Variants in DYNC1LI1 observed in about 807,000 individuals in gnomAD.
The protein encoded by DYNC1LI1 is dynein cytoplasmic 1 light intermediate chain 1, also known as cytoplasmic dynein 1 light intermediate chain 1.
A neutral mutation model predicts 63.8 loss-of-function variants in DYNC1LI1; 19 were observed. That is an observed-to-expected ratio of 0.30 (90% CI 0.21 to 0.44). The LOEUF (loss-of-function observed/expected upper bound fraction) is 0.44, where lower values mean the gene tolerates loss of function less well. Ranked by LOEUF, DYNC1LI1 falls within the 20% of genes least tolerant of loss-of-function variation. The pLI is 1.00. For missense variants in DYNC1LI1, 565 were observed against 630.2 expected (o/e 0.90, Z 1.11); for synonymous variants, 225 against 232.3 (o/e 0.97, Z 0.28).
Position 32,530,332 on chromosome 3 carries a change from A to T in DYNC1LI1, c.1141-4T>A. 1 of 200,850 alleles carries T rather than the reference A, an allele frequency of 5.0e-6. No homozygotes were observed. The highest frequency in any genetic ancestry group is 8.9e-6 in the Non-Finnish European group (1 of 112,942). 12.4% of individuals were successfully genotyped at this position (200,850 alleles called of 1,614,324 possible). On this transcript the variant is annotated splice_region_variant and splice_polypyrimidine_tract_variant and intron_variant, in intron 9 of 12. Transcript: ENST00000273130. The stretch of plus-strand genomic sequence containing the variant: ...GTGGTTGCTTTGCTAAAAGGGACTG[A>T]AAAAAAAAAAAAAAAAGAATCCTAG...
intron 2 of DYNC1LI1, chr3:32,566,675 T>G (rs1471116618): frequency 4.7e-6 from 2 of 429,892 alleles, no homozygotes; most frequent in African/African-American, 4.1e-5. Flanking sequence ...GAGGTGGAGG[T>G]TGCAGTGAGC....
At chr3:32,536,934 A>G in intron 6 of DYNC1LI1, 77 bp downstream of exon 6, 1 of 797,706 alleles carries the variant, frequency 1.3e-6, no homozygotes, top group Non-Finnish European at 2.0e-6. Context: ...AAGTCCATCA[A>G]TTTAATTCTT....
chr3:32,533,841 C>T (rs149676941), intron 7 of DYNC1LI1, among the ~76,000 whole-genome samples: 453 of 151,132 alleles, frequency 3.0e-3, no homozygotes, highest in Non-Finnish European at 4.5e-3. Context: ...GGATTTTAGG[C>T]ATGAGCCACT....
chr3:32,554,863 A>ATTTTTTTTTTTT (rs11434502), intron 2 of DYNC1LI1, among the ~76,000 whole-genome samples: 1 of 104,720 alleles, frequency 9.5e-6, no homozygotes, highest in Admixed American at 1.1e-4. Flanking sequence ...AAATTTTTGA[A>ATTTTTTTTTTTT]TTTTTTTTTT....
intron 2 of DYNC1LI1, among the ~76,000 whole-genome samples, chr3:32,567,252 C>T (rs547298412): frequency 3.9e-5 from 6 of 152,238 alleles, no homozygotes; most frequent in Non-Finnish European, 7.4e-5. Context: ...AATTCATTAC[C>T]CCATCTATAA....
At position 32,537,013 on chromosome 3, in the gene DYNC1LI1, T is replaced by C. The variant is rs2303857; in HGVS notation, c.830A>G (p.Gln277Arg). 0.069 allele frequency: 107,926 copies of C among 1,555,542 alleles called. 4,104 individuals carry two copies. Among genetic ancestry groups the C allele is most frequent in the Non-Finnish European group, 0.077 (87,804 of 1,137,296 alleles). The change falls in exon 6 of 13, where the codon CAG becomes CGG. Residue 277 changes from glutamine to arginine, a missense_variant and splice_region_variant. Gln to Arg is a conservative substitution (Grantham distance 43, BLOSUM62 1). Transcript: ENST00000273130. Reference sequence around the variant, plus strand: ...AATAAATGTATTTAAAAGGATACACTGTAAACAAAACTTCCGGATATGTGA... The same window carrying C: ...AATAAATGTATTTAAAAGGATACACCGTAAACAAAACTTCCGGATATGTGA... ...IQSHIRKFCL[Q>R]YGAALIYTSV...
intron 2 of DYNC1LI1, among the ~76,000 whole-genome samples, chr3:32,566,048 G>A (rs540929961): frequency 6.3e-4 from 96 of 152,268 alleles, no homozygotes; most frequent in African/African-American, 2.3e-3. Context: ...GTGAGAGAAG[G>A]ACTGCTTGAG....
At position 32,545,991 on chromosome 3, in the gene DYNC1LI1, C is replaced by G. The variant is rs748697427; in HGVS notation, c.221-26G>C. 4.8e-6 allele frequency: 7 copies of G among 1,449,968 alleles called. No homozygotes were observed. The Admixed American group carries it at 5.6e-5, about 12-fold the overall frequency. The allele number at this position is 1,449,968 out of a possible 1,614,324, so 89.8% of individuals were successfully genotyped here. A position where few individuals can be genotyped will look rare whatever the true frequency, so the allele number is the denominator to read the frequency against. On this transcript the variant is annotated intron_variant, in intron 2 of 12. Coordinates refer to ENST00000273130, the MANE Select transcript of DYNC1LI1 (RefSeq NM_016141.4). ...CTAGATATGTAAAAAAAGGATAAAT[C>G]TTATAAATTATAACACCGATTATTT...
chr3:32,558,466 A>T (rs192732104), intron 2 of DYNC1LI1, among the ~76,000 whole-genome samples: 1 of 151,944 alleles, frequency 6.6e-6, no homozygotes, highest in Non-Finnish European at 1.5e-5. Context: ...CATGGTCACC[A>T]AAACAGTACA....
chr3:32,536,914 A>T lies in DYNC1LI1; in HGVS notation c.832+97T>A, dbSNP rs918697142. ...CAGAGACAGAAGGAGAAATGTTTAC[A>T]GAATTTCTCAAGTCCATCAATTTAA... On this transcript the variant is annotated intron_variant, in intron 6 of 12. Transcript: ENST00000273130. 4.6e-6 allele frequency: 3 copies of T among 645,834 alleles called. No homozygotes were observed. In the African/African-American group the frequency reaches 5.8e-5, roughly 13 times the overall value. The allele number at this position is 645,834 out of a possible 1,614,324, so 40.0% of individuals were successfully genotyped here. A position where few individuals can be genotyped will look rare whatever the true frequency, so the allele number is the denominator to read the frequency against.
chr3:32,534,700 T>C, intron 6 of DYNC1LI1, 54 bp from the exon 7 acceptor site: 1 of 1,381,870 alleles, frequency 7.2e-7, no homozygotes, highest in Non-Finnish European at 9.6e-7. Context: ...GCAAATACCA[T>C]AAAATTCTGT....
intron 12 of DYNC1LI1, among the ~76,000 whole-genome samples, chr3:32,527,594 T>C (rs531029798): frequency 2.2e-4 from 34 of 152,248 alleles, no homozygotes; most frequent in African/African-American, 7.7e-4. Flanking sequence ...TTGGAAAACA[T>C]TTTGGCAGTC....
In DYNC1LI1 at chr3:32,526,817, C is replaced by T. The variant is rs746180461; in HGVS notation, c.1554G>A (p.Thr518=). 22 of 1,611,074 alleles carry T rather than the reference C, an allele frequency of 1.4e-5. No individual in the cohort carries two copies. The highest frequency in any genetic ancestry group is 1.3e-4 in the Admixed American group (8 of 59,980). Residue 518 remains threonine (T), a synonymous_variant, in exon 13 of 13, where the codon ACG becomes ACA. Coordinates refer to ENST00000273130, the MANE Select transcript of DYNC1LI1 (RefSeq NM_016141.4). ...TVSPTTPTSP[T]EGEAS is the part of the protein sequence containing the mutation. ...GGTATCTTCAAGAAGCTTCTCCTTCCGTAGGAGATGTAGGTGTTGTGGGAG... is the reference window on the plus strand; with the variant it reads ...GGTATCTTCAAGAAGCTTCTCCTTCTGTAGGAGATGTAGGTGTTGTGGGAG...
chr3:32,547,581 G>A (rs1330551547), intron 2 of DYNC1LI1, among the ~76,000 whole-genome samples: 2 of 152,172 alleles, frequency 1.3e-5, no homozygotes, highest in African/African-American at 4.8e-5. Context: ...GTGAAGCCAA[G>A]TGATGCAGAC....
intron 2 of DYNC1LI1, among the ~76,000 whole-genome samples, chr3:32,548,430 C>A (rs908631538): frequency 6.6e-6 from 1 of 152,144 alleles, no homozygotes; most frequent in African/African-American, 2.4e-5. Context: ...TCCATGAAGT[C>A]GGTTTCTGGT....
Position 32,533,007 on chromosome 3 carries a change from TATG to T in DYNC1LI1, c.1056_1058del (p.Ile353del). On this transcript the variant is annotated inframe_deletion, in exon 8 of 13. Coordinates refer to ENST00000273130, the MANE Select transcript of DYNC1LI1 (RefSeq NM_016141.4). ...TTACCTTTCGAACAGGTGGTTTAGT[TATG>T]ATGTCTTCAAAATTATCTTCTGCTT... 1 of 1,593,764 alleles carries T rather than the reference TATG, an allele frequency of 6.3e-7. No individual in the cohort carries two copies. Among genetic ancestry groups the T allele is most frequent in the Non-Finnish European group, 8.5e-7 (1 of 1,174,394 alleles).
intron 9 of DYNC1LI1, 26 bp from the exon 10 acceptor site, chr3:32,530,354 C>T (rs1697678995): frequency 1.3e-6 from 2 of 1,564,282 alleles, no homozygotes; most frequent in Non-Finnish European, 1.7e-6. Context: ...AAAAAGAATC[C>T]TAGTTTAGAC....
intron 6 of DYNC1LI1, 21 bp downstream of exon 6, chr3:32,536,990 T>TA: frequency 7.4e-7 from 1 of 1,345,820 alleles, no homozygotes; most frequent in South Asian, 1.3e-5. Context: ...ACTGAATCAA[T>TA]AAATGTATTT....
chr3:32,562,160 G>A (rs113348959), intron 2 of DYNC1LI1, among the ~76,000 whole-genome samples: 2 of 152,254 alleles, frequency 1.3e-5, no homozygotes, highest in African/African-American at 4.8e-5. Flanking sequence ...TTACTCAGGA[G>A]GCTGAGGCAG....
Sources: allele counts gnomAD v4.1 joint callset (sites outside exome capture counted in the v4.1 genomes callset), GRCh38; gene constraint gnomAD v4.1.1; transcripts MANE v1.5; gene names NCBI Gene and HGNC (gene_info 2026-07-23, HGNC 2026-07-21).